Variants in POM121C observed in about 807,000 individuals in gnomAD.
The protein encoded by POM121C is POM121 transmembrane nucleoporin C.
A neutral mutation model predicts 66.4 loss-of-function variants in POM121C; 20 were observed. That is an observed-to-expected ratio of 0.30 (90% CI 0.21 to 0.44). The LOEUF (loss-of-function observed/expected upper bound fraction) is 0.44. POM121C is among the 20% of genes least tolerant of loss of function. The pLI, the probability that POM121C is intolerant of heterozygous loss-of-function variation, is 1.00. For synonymous variants in POM121C, 286 were observed against 528.0 expected (o/e 0.54, Z 6.28); for missense variants, 580 against 1,225.7 (o/e 0.47, Z 7.87).
intron 3 of POM121C, among the ~76,000 whole-genome samples, chr7:75,453,958 C>T (rs1489021953): frequency 2.0e-5 from 3 of 152,196 alleles, no homozygotes; most frequent in Non-Finnish European, 2.9e-5. Flanking sequence ...CATCACAGTC[C>T]GGCAGCTTAC....
chr7:75,460,807 A>T (rs2599309), intron 3 of POM121C, among the ~76,000 whole-genome samples: 1 of 152,016 alleles, frequency 6.6e-6, no homozygotes, highest in East Asian at 1.9e-4. Flanking sequence ...CTCCAAAACC[A>T]TGGGTTCTGC....
At chr7:75,477,802 A>C (rs1290734234) in intron 1 of POM121C, among the ~76,000 whole-genome samples, 1 of 151,678 alleles carries the variant, frequency 6.6e-6, no homozygotes. Flanking sequence ...AAACATATAG[A>C]CAGAGACATG....
intron 3 of POM121C, among the ~76,000 whole-genome samples, chr7:75,473,409 T>G (rs1309086461): frequency 1.3e-5 from 2 of 151,832 alleles, no homozygotes; most frequent in Non-Finnish European, 1.5e-5. Context: ...ACTTCCTGAA[T>G]GTCTACTATG....
chr7:75,478,762 G>A (rs1792186986), intron 1 of POM121C, among the ~76,000 whole-genome samples: 1 of 118,336 alleles, frequency 8.5e-6, no homozygotes, highest in African/African-American at 3.4e-5. Context: ...GCAACAGTGT[G>A]TTGTGGGAAA....
At chr7:75,432,139 C>T (rs1421723936) in intron 7 of POM121C, among the ~76,000 whole-genome samples, 7 of 145,656 alleles carry the variant, frequency 4.8e-5, no homozygotes, top group Non-Finnish European at 1.0e-4. Flanking sequence ...GAGCCGAGAT[C>T]GCGCCACTAC....
At position 75,449,515 on chromosome 7, in the gene POM121C, C is replaced by G. The variant is rs587640879; in HGVS notation, c.-151-7868G>C. 1.5e-3 allele frequency among the ~76,000 whole-genome samples: 230 copies of G among 152,202 alleles called. 1 individual carries two copies. In the Middle Eastern group the frequency reaches 0.02, roughly 14 times the overall value. On this transcript the variant is annotated intron_variant, in intron 3 of 14. Coordinates refer to ENST00000615331, the MANE Select transcript of POM121C (RefSeq NM_001099415.3). ...GAGTAGCTGAGACTATAGGCGCCCG[C>G]TGCCACGCCTGGCTAATTTTTTTGT... is the stretch of plus-strand genomic sequence containing the variant.
intron 6 of POM121C, among the ~76,000 whole-genome samples, chr7:75,437,976 T>C (rs1419893075): frequency 1.3e-5 from 2 of 152,160 alleles, no homozygotes; most frequent in Non-Finnish European, 2.9e-5. Context: ...AAGAGAGGGA[T>C]TACAGGCATG....
At chr7:75,447,726 A>C (rs1409251181) in intron 3 of POM121C, among the ~76,000 whole-genome samples, 1 of 152,106 alleles carries the variant, frequency 6.6e-6, no homozygotes, top group African/African-American at 2.4e-5. Context: ...GTCTCTAAAA[A>C]AAAAAACAAA....
rs1453738781 is a variant in POM121C at position 75,427,887 on chromosome 7, T to C, written c.481-1434A>G. 2.2e-4 allele frequency among the ~76,000 whole-genome samples: 33 copies of C among 152,228 alleles called. No homozygotes were observed. The South Asian group carries it at 4.2e-3, about 19-fold the overall frequency. ...GCAGCAGAACAGTTCAGTGAGGCCATCATCAGGAAGCCGGGCCCAGGAGGA... is the reference window on the plus strand; with the variant it reads ...GCAGCAGAACAGTTCAGTGAGGCCACCATCAGGAAGCCGGGCCCAGGAGGA... On this transcript the variant is annotated intron_variant, in intron 7 of 14. Coordinates refer to ENST00000615331, the MANE Select transcript of POM121C (RefSeq NM_001099415.3).
chr7:75,442,727 C>A, intron 3 of POM121C: 4 of 1,358,278 alleles, frequency 2.9e-6, no homozygotes, highest in East Asian at 3.1e-5. Flanking sequence ...CATCGCGGCT[C>A]CGCGCCGCGG....
chr7:75,449,489 C>T (rs1457877627), intron 3 of POM121C, among the ~76,000 whole-genome samples: 1 of 151,902 alleles, frequency 6.6e-6, no homozygotes, highest in African/African-American at 2.4e-5. Context: ...CTCAGCCTCC[C>T]GAGTAGCTGA....
chr7:75,486,126 G>C lies in POM121C; in HGVS notation c.-720C>G, dbSNP rs377750629. 6 of 345,212 alleles carry C rather than the reference G, an allele frequency of 1.7e-5. 1 individual carries two copies. Among genetic ancestry groups the C allele is most frequent in the South Asian group, 6.4e-5 (3 of 46,938 alleles). The allele number at this position is 345,212 out of a possible 1,614,324, so 21.4% of individuals were successfully genotyped here. A position where few individuals can be genotyped will look rare whatever the true frequency, so the allele number is the denominator to read the frequency against. ...GGTTCACGCTCGGGGGTCCCAGCTC[G>C]AGCCTCTACCCGGCCCGCGCGAACC... On this transcript the variant is annotated 5_prime_UTR_variant, in exon 1 of 15. Transcript: ENST00000615331.
intron 1 of POM121C, among the ~76,000 whole-genome samples, chr7:75,483,680 G>A (rs1239570435): frequency 1.8e-4 from 27 of 152,060 alleles, no homozygotes; most frequent in African/African-American, 4.6e-4. Flanking sequence ...TCCTAGGTGC[G>A]GCTCAATTTC....
chr7:75,421,399 T>G, intron 13 of POM121C, 110 bp downstream of exon 13: 1 of 1,541,680 alleles, frequency 6.5e-7, no homozygotes, highest in South Asian at 1.2e-5. Context: ...AGTTCTATAT[T>G]CAGTGCCTGT....
chr7:75,452,552 C>T (rs1418518338), intron 3 of POM121C, among the ~76,000 whole-genome samples: 2 of 152,160 alleles, frequency 1.3e-5, no homozygotes, highest in Non-Finnish European at 2.9e-5. Flanking sequence ...GCACTGATGA[C>T]GTATTCATGA....
At chr7:75,482,487 A>G (rs1385361018) in intron 1 of POM121C, among the ~76,000 whole-genome samples, 1 of 152,158 alleles carries the variant, frequency 6.6e-6, no homozygotes, top group African/African-American at 2.4e-5. Flanking sequence ...TGAGCTCAGG[A>G]GTTCGACATG....
At chr7:75,467,489 G>A (rs1360498005) in intron 3 of POM121C, among the ~76,000 whole-genome samples, 15 of 127,924 alleles carry the variant, frequency 1.2e-4, no homozygotes, top group Non-Finnish European at 1.6e-4. Context: ...CCGAGAATGC[G>A]CCACTGCACT....
Position 75,477,349 on chromosome 7 carries a change from G to T in POM121C, c.-457-2161C>A, listed in dbSNP as rs1307254559. Reference sequence around the variant, plus strand: ...TGTAATCCCAACACTTTAGAAGGCCGAGGCGGGCAGATCACCTGAGGTCAG... The same window carrying T: ...TGTAATCCCAACACTTTAGAAGGCCTAGGCGGGCAGATCACCTGAGGTCAG... On this transcript the variant is annotated intron_variant, in intron 1 of 14. Transcript: ENST00000615331. Among the ~76,000 whole-genome samples the T allele has an allele frequency of 2.0e-5, 3 of 152,208 alleles. No homozygotes were observed. In the East Asian group the frequency reaches 5.8e-4, roughly 29 times the overall value.
chr7:75,428,951 G>GAA (rs34134180), intron 7 of POM121C, among the ~76,000 whole-genome samples: 23 of 124,470 alleles, frequency 1.8e-4, no homozygotes, highest in African/African-American at 5.7e-4. Flanking sequence ...TCTCTTCAAG[G>GAA]AAAAAAAAAA....
Sources: allele counts gnomAD v4.1 joint callset (sites outside exome capture counted in the v4.1 genomes callset), GRCh38; gene constraint gnomAD v4.1.1; transcripts MANE v1.5; gene names NCBI Gene and HGNC (gene_info 2026-07-23, HGNC 2026-07-21).